The following RALYL variants were observed in gnomAD, a reference collection of about 807,000 sequenced individuals.
The protein encoded by RALYL is RALY RNA binding protein like.
RALYL carries 29 observed loss-of-function variants against 35.1 expected under a neutral mutation model. The observed-to-expected ratio is 0.83, with a 90% CI of 0.61 to 1.13. The LOEUF (loss-of-function observed/expected upper bound fraction) is 1.13, where lower values mean the gene tolerates loss of function less well. Ranked by LOEUF, RALYL falls within the 50% of genes most tolerant of loss-of-function variation. RALYL has a pLI of 0.00. For missense variants in RALYL, 359 were observed against 360.4 expected (o/e 1.00, Z 0.03); for synonymous variants, 120 against 127.6 (o/e 0.94, Z 0.40).
At chr8:84,603,098 A>C (rs1816326549) in intron 2 of RALYL, among the ~76,000 whole-genome samples, 1 of 152,080 alleles carries the variant, frequency 6.6e-6, no homozygotes, top group South Asian at 2.1e-4. Flanking sequence ...TAAATTTTAT[A>C]TGTATATTGT....
chr8:84,450,044 G>A (rs987384127), intron 1 of RALYL, among the ~76,000 whole-genome samples: 2 of 151,694 alleles, frequency 1.3e-5, no homozygotes, highest in Admixed American at 1.3e-4. Flanking sequence ...TAGCATTGTT[G>A]TAGATTTGTG....
At chr8:84,740,651 A>G (rs1387025868) in intron 2 of RALYL, among the ~76,000 whole-genome samples, 1 of 152,004 alleles carries the variant, frequency 6.6e-6, no homozygotes, top group East Asian at 1.9e-4. Context: ...GAAACTTGAT[A>G]CCTATTTATG....
At position 84,183,753 on chromosome 8, in the gene RALYL, T is replaced by C. The variant is rs369207840; in HGVS notation, c.-695T>C. On this transcript the variant is annotated 5_prime_UTR_variant, in exon 1 of 9. Coordinates refer to ENST00000521268, the MANE Select transcript of RALYL (RefSeq NM_173848.7). ...GCCTTTTCCTGAATCCAAGTTTTTC[T>C]AGCATGCGATCGTTCTGTAGACAAG... 1.3e-5 allele frequency: 2 copies of C among 152,608 alleles called. No homozygotes were observed. The highest frequency in any genetic ancestry group is 3.9e-4 in the East Asian group (2 of 5,186). 9.5% of individuals were successfully genotyped at this position (152,608 alleles called of 1,614,324 possible). A position where few individuals can be genotyped will look rare whatever the true frequency, so the allele number is the denominator to read the frequency against.
chr8:84,236,085 G>A (rs1318672306), intron 1 of RALYL, among the ~76,000 whole-genome samples: 2 of 152,014 alleles, frequency 1.3e-5, no homozygotes, highest in African/African-American at 4.8e-5. Context: ...TGTTCTCGTG[G>A]CTGTGTTTCA....
chr8:84,717,471 A>G (rs1843132902), intron 2 of RALYL, among the ~76,000 whole-genome samples: 1 of 152,048 alleles, frequency 6.6e-6, no homozygotes, highest in Non-Finnish European at 1.5e-5. Context: ...AAGCCAAATT[A>G]ACAGTCTTGC....
At chr8:84,528,284 A>G (rs2059044443) in intron 1 of RALYL, among the ~76,000 whole-genome samples, 1 of 152,114 alleles carries the variant, frequency 6.6e-6, no homozygotes, top group African/African-American at 2.4e-5. Flanking sequence ...TCTATAAATT[A>G]ATAGGTACTG....
chr8:84,729,276 G>C (rs1233331637), intron 2 of RALYL, among the ~76,000 whole-genome samples: 5 of 151,996 alleles, frequency 3.3e-5, no homozygotes, highest in South Asian at 2.1e-4. Context: ...CTGTCTGTTT[G>C]TCTGTTCTTG....
intron 1 of RALYL, among the ~76,000 whole-genome samples, chr8:84,328,705 C>G (rs1029662520): frequency 1.3e-5 from 2 of 152,110 alleles, no homozygotes; most frequent in African/African-American, 4.8e-5. Flanking sequence ...ACAAAAGATC[C>G]TGTCACCCAG....
intron 8 of RALYL, among the ~76,000 whole-genome samples, chr8:84,919,078 G>A (rs1036442283): frequency 6.6e-6 from 1 of 151,960 alleles, no homozygotes; most frequent in Non-Finnish European, 1.5e-5. Context: ...GATGGTGTAA[G>A]AATGTACTAA....
At chr8:84,904,256 A>G (rs1285156795) in intron 8 of RALYL, among the ~76,000 whole-genome samples, 1 of 152,166 alleles carries the variant, frequency 6.6e-6, no homozygotes, top group Admixed American at 6.6e-5. Flanking sequence ...TTCACTGAAA[A>G]AAATAGATGA....
intron 1 of RALYL, among the ~76,000 whole-genome samples, chr8:84,333,517 A>G (rs1314629058): frequency 6.6e-6 from 1 of 152,152 alleles, no homozygotes. Context: ...TTGATTTTGA[A>G]ATGACCACCC....
intron 1 of RALYL, among the ~76,000 whole-genome samples, chr8:84,499,091 CTT>C (rs11338367): frequency 7.4e-4 from 106 of 143,648 alleles, no homozygotes; most frequent in Admixed American, 6.3e-4. Context: ...CATCTGTTTT[CTT>C]TTTTTTTTTT....
intron 1 of RALYL, among the ~76,000 whole-genome samples, chr8:84,283,473 A>G (rs947107580): frequency 6.6e-6 from 1 of 152,138 alleles, no homozygotes; most frequent in Non-Finnish European, 1.5e-5. Context: ...TCTTCCTGTG[A>G]TGCTGGTTTT....
At position 84,826,027 on chromosome 8, in the gene RALYL, T is replaced by C. The variant is rs192219899; in HGVS notation, c.365+21225T>C. 9.9e-4 allele frequency among the ~76,000 whole-genome samples: 150 copies of C among 152,124 alleles called. 1 individual carries two copies. Among genetic ancestry groups the C allele is most frequent in the African/African-American group, 3.1e-3 (128 of 41,476 alleles). ...GCAACATGGATGTAGCTGGAGGTCA[T>C]TATCCAAAGTGAATTAATGCAGGAA... On this transcript the variant is annotated intron_variant, in intron 4 of 8. Transcript: ENST00000521268.
At chr8:84,196,431 G>A (rs1280823757) in intron 1 of RALYL, among the ~76,000 whole-genome samples, 1 of 152,180 alleles carries the variant, frequency 6.6e-6, no homozygotes, top group Non-Finnish European at 1.5e-5. Flanking sequence ...TATTAAAAAA[G>A]TTAAAAAGTG....
intron 2 of RALYL, among the ~76,000 whole-genome samples, chr8:84,553,275 C>T (rs1370463742): frequency 2.0e-5 from 3 of 152,132 alleles, no homozygotes; most frequent in African/African-American, 4.8e-5. Flanking sequence ...GATCTTCCTG[C>T]CTCAGCCTCC....
chr8:84,236,985 G>A (rs1244264769), intron 1 of RALYL, among the ~76,000 whole-genome samples: 2 of 152,138 alleles, frequency 1.3e-5, no homozygotes, highest in Non-Finnish European at 2.9e-5. Context: ...AACCATCTAG[G>A]TTCCTGTAGG....
At chr8:84,657,683 A>C (rs913261018) in intron 2 of RALYL, among the ~76,000 whole-genome samples, 15 of 152,290 alleles carry the variant, frequency 9.8e-5, no homozygotes, top group African/African-American at 3.6e-4. Flanking sequence ...CAAAGAGGCC[A>C]CTTGAGGAAG....
At chr8:84,741,421 C>T (rs1589293280) in intron 2 of RALYL, among the ~76,000 whole-genome samples, 2 of 151,980 alleles carry the variant, frequency 1.3e-5, no homozygotes, top group South Asian at 2.1e-4. Context: ...TTCTCATGGC[C>T]CTGGAGGTTG....
Sources: gnomAD v4.1 joint callset for allele counts (sites outside exome capture counted in the v4.1 genomes callset) on GRCh38, gnomAD v4.1.1 for gene constraint, MANE v1.5 for transcripts, NCBI Gene and HGNC (gene_info 2026-07-23, HGNC 2026-07-21) for gene names.